Variants in ADAMTS12 observed in about 807,000 individuals in gnomAD.
ADAMTS12 encodes the protein A disintegrin and metalloproteinase with thrombospondin motifs 12.
Under a neutral mutation model 167.8 loss-of-function variants are expected in ADAMTS12, and 118 were observed. That is an observed-to-expected ratio of 0.70 (90% CI 0.61 to 0.82). The LOEUF (loss-of-function observed/expected upper bound fraction) is 0.82, where lower values mean the gene tolerates loss of function less well. Among genes scored for constraint, ADAMTS12 ranks in the 40% least tolerant of loss-of-function variants. The pLI is 0.00. For missense variants in ADAMTS12, 1,916 were observed against 1,998.8 expected (o/e 0.96, Z 0.79); for synonymous variants, 704 against 716.9 (o/e 0.98, Z 0.29).
At chr5:33,730,964 G>A (rs528017727) in intron 3 of ADAMTS12, among the ~76,000 whole-genome samples, 1 of 152,282 alleles carries the variant, frequency 6.6e-6, no homozygotes, top group African/African-American at 2.4e-5. Flanking sequence ...ACAAATCCCA[G>A]TCACACTTAA....
In ADAMTS12 at chr5:33,523,765, C is replaced by G. The variant is rs1284872613; in HGVS notation, c.*3423G>C. ...CTTTACCCACCATGTTTTTTAGTAA[C>G]ATAACTTAGAATACTACTTGAATAA... On this transcript the variant is annotated 3_prime_UTR_variant, in exon 24 of 24. Coordinates refer to ENST00000504830, the MANE Select transcript of ADAMTS12 (RefSeq NM_030955.4). 6.6e-6 allele frequency: 1 copy of G among 152,086 alleles called. No homozygotes were observed. The highest frequency in any genetic ancestry group is 2.1e-4 in the South Asian group (1 of 4,820). 9.4% of individuals were successfully genotyped at this position (152,086 alleles called of 1,614,324 possible).
Position 33,584,916 on chromosome 5 carries a change from A to G in ADAMTS12, c.2865+3683T>C, listed in dbSNP as rs149439543. Among the ~76,000 whole-genome samples, 428 of 152,348 alleles carry G rather than the reference A, an allele frequency of 2.8e-3. 1 individual carries two copies. Among genetic ancestry groups the G allele is most frequent in the African/African-American group, 0.01 (416 of 41,588 alleles). ...ATACAAGTTTATGCAATACAAGTTTATGCAATACAAGGCCAGAACTAAGAT... is the reference window on the plus strand; with the variant it reads ...ATACAAGTTTATGCAATACAAGTTTGTGCAATACAAGGCCAGAACTAAGAT... On this transcript the variant is annotated intron_variant, in intron 18 of 23. Transcript: ENST00000504830.
chr5:33,751,650 T>A, intron 2 of ADAMTS12, 102 bp from the exon 3 acceptor site: 1 of 1,144,756 alleles, frequency 8.7e-7, no homozygotes, highest in Non-Finnish European at 1.2e-6. Context: ...CTGAAACTCC[T>A]AAGACCAGTG....
chr5:33,814,033 G>A (rs1171378830), intron 2 of ADAMTS12, among the ~76,000 whole-genome samples: 1 of 152,168 alleles, frequency 6.6e-6, no homozygotes, highest in Non-Finnish European at 1.5e-5. Flanking sequence ...TTTGTTGCAA[G>A]TATGTTCTTC....
At chr5:33,826,778 A>T (rs937521124) in intron 2 of ADAMTS12, among the ~76,000 whole-genome samples, 4 of 152,172 alleles carry the variant, frequency 2.6e-5, no homozygotes, top group Non-Finnish European at 5.9e-5. Flanking sequence ...ACAAGTATCA[A>T]ATAAAAATAA....
chr5:33,613,135 C>T (rs1738813769), intron 16 of ADAMTS12, among the ~76,000 whole-genome samples: 1 of 152,106 alleles, frequency 6.6e-6, no homozygotes, highest in South Asian at 2.1e-4. Context: ...TTCCCTTTTG[C>T]TACATCACCA....
At chr5:33,815,237 CTG>C (rs1231082732) in intron 2 of ADAMTS12, among the ~76,000 whole-genome samples, 1 of 152,184 alleles carries the variant, frequency 6.6e-6, no homozygotes, top group Non-Finnish European at 1.5e-5. Context: ...TTGTTACAAA[CTG>C]AATGTTTCTG....
At chr5:33,561,300 T>C (rs1745740138) in intron 19 of ADAMTS12, 121 bp from the exon 20 acceptor site, 2 of 1,275,178 alleles carry the variant, frequency 1.6e-6, no homozygotes, top group Non-Finnish European at 2.1e-6. Flanking sequence ...CAGAGCTTTT[T>C]AAAAATTACC....
chr5:33,779,042 T>C lies in ADAMTS12; in HGVS notation c.490-27494A>G, dbSNP rs184008145. Among the ~76,000 whole-genome samples the C allele has an allele frequency of 3.6e-4, 54 of 152,104 alleles. 1 individual carries two copies. The highest frequency in any genetic ancestry group is 1.3e-3 in the African/African-American group (52 of 41,502). ...GCAGCGTGTGGAGAAAATGAAACCC[T>C]TGCACGCTGTTAGTGGGGATGTAAA... On this transcript the variant is annotated intron_variant, in intron 2 of 23. Coordinates refer to ENST00000504830, the MANE Select transcript of ADAMTS12 (RefSeq NM_030955.4).
intron 2 of ADAMTS12, among the ~76,000 whole-genome samples, chr5:33,825,191 A>C (rs1357273332): frequency 1.3e-5 from 2 of 152,222 alleles, no homozygotes; most frequent in Non-Finnish European, 2.9e-5. Context: ...CTCTGCAAAG[A>C]GCTTACTATT....
intron 2 of ADAMTS12, among the ~76,000 whole-genome samples, chr5:33,808,884 G>C (rs1747338686): frequency 6.6e-6 from 1 of 152,062 alleles, no homozygotes; most frequent in Non-Finnish European, 1.5e-5. Context: ...CTACTTTCAG[G>C]GTGCCCCTTG....
chr5:33,618,407 T>C (rs1739137634), intron 14 of ADAMTS12, among the ~76,000 whole-genome samples: 1 of 152,234 alleles, frequency 6.6e-6, no homozygotes, highest in South Asian at 2.1e-4. Flanking sequence ...TTTTGCTTTT[T>C]CATTTCTCTA....
At chr5:33,743,830 T>C (rs1744688102) in intron 3 of ADAMTS12, among the ~76,000 whole-genome samples, 1 of 152,196 alleles carries the variant, frequency 6.6e-6, no homozygotes, top group Non-Finnish European at 1.5e-5. Flanking sequence ...CATTTTTAAC[T>C]ACACCCTCAG....
chr5:33,576,913 G>T lies in ADAMTS12; in HGVS notation c.3113C>A (p.Pro1038His). ...TGGAGTGCTTGTGCTCATAGACTCA[G>T]GCCCTGTGGGTGTGGTCAGCATTCT... Reference protein sequence around the residue: ...RPRMLTTPTGPESMSTSTPAI... With the variant: ...RPRMLTTPTGHESMSTSTPAI... The change falls in exon 19 of 24, where the codon CCT becomes CAT. Residue 1038 changes from proline (P) to histidine (H), a missense_variant. By Grantham distance (77) the Pro-to-His change is moderately conservative (BLOSUM62 -2). Coordinates refer to ENST00000504830, the MANE Select transcript of ADAMTS12 (RefSeq NM_030955.4). 2 of 1,614,188 alleles carry T rather than the reference G, an allele frequency of 1.2e-6. No individual in the cohort carries two copies. Among genetic ancestry groups the T allele is most frequent in the Non-Finnish European group, 1.7e-6 (2 of 1,180,032 alleles).
At chr5:33,872,381 T>TA (rs1259479953) in intron 2 of ADAMTS12, among the ~76,000 whole-genome samples, 1 of 151,054 alleles carries the variant, frequency 6.6e-6, no homozygotes. Context: ...CCGTCTCCAC[T>TA]AAAAAAAATA....
At chr5:33,782,350 G>C (rs956216075) in intron 2 of ADAMTS12, among the ~76,000 whole-genome samples, 1 of 151,602 alleles carries the variant, frequency 6.6e-6, no homozygotes, top group Non-Finnish European at 1.5e-5. Context: ...AAAAATATTT[G>C]GTTAGCACAA....
At chr5:33,854,262 C>T (rs898730657) in intron 2 of ADAMTS12, among the ~76,000 whole-genome samples, 6 of 152,166 alleles carry the variant, frequency 3.9e-5, no homozygotes, top group African/African-American at 1.4e-4. Flanking sequence ...TATTTAAGCT[C>T]CCTACCTGTG....
At chr5:33,759,696 C>T (rs1047087447) in intron 2 of ADAMTS12, among the ~76,000 whole-genome samples, 1 of 152,010 alleles carries the variant, frequency 6.6e-6, no homozygotes, top group Non-Finnish European at 1.5e-5. Flanking sequence ...AGAAGAAAAC[C>T]CTCTCCTCAC....
rs74429181 is a variant in ADAMTS12, at chr5:33,674,326, A to C, written c.915+8692T>G. ...AACTCAGTAGAAAATCTGCAATAAT[A>C]ATTCCAGTGCCTGTAATAGGAACTG... On this transcript the variant is annotated intron_variant, in intron 5 of 23. Coordinates refer to ENST00000504830, the MANE Select transcript of ADAMTS12 (RefSeq NM_030955.4). 3.4e-3 allele frequency among the ~76,000 whole-genome samples: 520 copies of C among 152,270 alleles called. 23 individuals are homozygous for C. In the East Asian group the frequency reaches 0.069, roughly 20 times the overall value.
Sources: allele counts gnomAD v4.1 joint callset (sites outside exome capture counted in the v4.1 genomes callset), GRCh38; gene constraint gnomAD v4.1.1; transcripts MANE v1.5; gene names NCBI Gene and HGNC (gene_info 2026-07-23, HGNC 2026-07-21).